PAK5: variants seen among roughly 807,000 people sequenced by gnomAD.
PAK5 encodes the protein serine/threonine-protein kinase PAK 5.
In PAK5, 16 loss-of-function variants were observed where a neutral mutation model predicts 65.9. The observed-to-expected ratio is 0.24, with a 90% CI of 0.16 to 0.37. The LOEUF (loss-of-function observed/expected upper bound fraction) is 0.37. Ranked by LOEUF, PAK5 falls within the 10% of genes least tolerant of loss-of-function variation. The pLI, the probability that PAK5 is intolerant of heterozygous loss-of-function variation, is 1.00. For missense variants in PAK5, 785 were observed against 903.9 expected (o/e 0.87, Z 1.69); for synonymous variants, 371 against 354.9 (o/e 1.05, Z -0.51).
At chr20:9,691,324 T>A (rs2047794368) in intron 2 of PAK5, among the ~76,000 whole-genome samples, 1 of 151,878 alleles carries the variant, frequency 6.6e-6, no homozygotes, top group Non-Finnish European at 1.5e-5. Flanking sequence ...CAGACGGTGG[T>A]GGGAGAGAGT....
chr20:9,664,905 AT>A (rs1305592901), intron 2 of PAK5, among the ~76,000 whole-genome samples: 1 of 151,978 alleles, frequency 6.6e-6, no homozygotes, highest in Admixed American at 6.6e-5. Context: ...TGGCAGGCAT[AT>A]TTTGGTACTA....
At chr20:9,660,698 C>G (rs994890959) in intron 2 of PAK5, among the ~76,000 whole-genome samples, 1 of 151,932 alleles carries the variant, frequency 6.6e-6, no homozygotes, top group African/African-American at 2.4e-5. Context: ...AGAAAGGATA[C>G]CGTTCATTAG....
chr20:9,728,760 T>C (rs1391738252), intron 1 of PAK5, among the ~76,000 whole-genome samples: 1 of 36,466 alleles, frequency 2.7e-5, no homozygotes, highest in Non-Finnish European at 4.6e-5. Context: ...CCTTCCTAGA[T>C]CTGTTTTTTT....
At chr20:9,816,454 A>G (rs895927280) in intron 1 of PAK5, among the ~76,000 whole-genome samples, 1 of 152,130 alleles carries the variant, frequency 6.6e-6, no homozygotes, top group Non-Finnish European at 1.5e-5. Context: ...TTGTATTTGA[A>G]TCAGCAGCCT....
intron 1 of PAK5, among the ~76,000 whole-genome samples, chr20:9,734,552 G>A (rs79540269): frequency 2.0e-5 from 3 of 149,364 alleles, no homozygotes; most frequent in Non-Finnish European, 4.5e-5. Context: ...ACGCGCACAT[G>A]CACACACACA....
intron 7 of PAK5, among the ~76,000 whole-genome samples, chr20:9,549,745 G>A (rs770977865): frequency 2.5e-4 from 38 of 152,090 alleles, no homozygotes; most frequent in Non-Finnish European, 4.6e-4. Flanking sequence ...ACCTCCATAG[G>A]TAGTGACTCT....
rs111410496 is a variant in PAK5, at chr20:9,550,731, G to GGTGTGTGTGTGTGT, written c.1744-6251_1744-6238dup. 5.3e-3 allele frequency among the ~76,000 whole-genome samples: 781 copies of GGTGTGTGTGTGTGT among 148,560 alleles called. 2 individuals carry two copies. The highest frequency in any genetic ancestry group is 0.021 in the East Asian group (105 of 5,038). ...TAGGAAGCATAGAAACCATAATTGTGGTGTGTGTGTGTGTGTGTGTGTGTG... is the reference window on the plus strand; with the variant it reads ...TAGGAAGCATAGAAACCATAATTGTGGTGTGTGTGTGTGTGTGTGTGTGTGTGTGTGTGTGTGTG... On this transcript the variant is annotated intron_variant, in intron 7 of 9. Coordinates refer to ENST00000353224, the MANE Select transcript of PAK5 (RefSeq NM_177990.4).
chr20:9,690,416 G>C (rs1366490771), intron 2 of PAK5, among the ~76,000 whole-genome samples: 2 of 152,132 alleles, frequency 1.3e-5, no homozygotes, highest in East Asian at 1.9e-4. Flanking sequence ...TCTGAGATGA[G>C]GATTTGAGTG....
chr20:9,600,044 C>T (rs933819515), intron 3 of PAK5, among the ~76,000 whole-genome samples: 3 of 152,070 alleles, frequency 2.0e-5, no homozygotes, highest in Non-Finnish European at 4.4e-5. Flanking sequence ...AGATAAGGGG[C>T]CACCTTCATT....
intron 7 of PAK5, among the ~76,000 whole-genome samples, chr20:9,546,475 A>T (rs2045346401): frequency 6.6e-6 from 1 of 152,204 alleles, no homozygotes; most frequent in Non-Finnish European, 1.5e-5. Flanking sequence ...GGGTATTGCC[A>T]TCGCTAGGGT....
intron 2 of PAK5, among the ~76,000 whole-genome samples, chr20:9,659,079 G>C (rs2047309066): frequency 1.3e-5 from 2 of 152,166 alleles, no homozygotes; most frequent in African/African-American, 4.8e-5. Context: ...ATACGTGGTA[G>C]GTGTTGTTCT....
intron 3 of PAK5, among the ~76,000 whole-genome samples, chr20:9,586,410 C>T (rs2046071020): frequency 6.6e-6 from 1 of 152,122 alleles, no homozygotes; most frequent in Non-Finnish European, 1.5e-5. Flanking sequence ...TAAACTAACA[C>T]TTCATTTTTG....
At position 9,763,273 on chromosome 20, in the gene PAK5, T is replaced by C. The variant is rs151015613; in HGVS notation, c.-161-51838A>G. 3.9e-3 allele frequency among the ~76,000 whole-genome samples: 596 copies of C among 152,144 alleles called. 6 individuals carry two copies. Among genetic ancestry groups the C allele is most frequent in the African/African-American group, 0.014 (567 of 41,526 alleles). On this transcript the variant is annotated intron_variant, in intron 1 of 9. Coordinates refer to ENST00000353224, the MANE Select transcript of PAK5 (RefSeq NM_177990.4). The stretch of plus-strand genomic sequence containing the variant: ...AGTGTTCTTATCACACATACACACA[T>C]GCACACACATGAAATTATAATAAGA...
At chr20:9,729,559 T>G (rs939927952) in intron 1 of PAK5, among the ~76,000 whole-genome samples, 3 of 152,178 alleles carry the variant, frequency 2.0e-5, no homozygotes, top group African/African-American at 7.2e-5. Context: ...CACAAGCGTT[T>G]TAGTGAGACT....
intron 9 of PAK5, among the ~76,000 whole-genome samples, chr20:9,541,606 A>G (rs1460781769): frequency 6.6e-6 from 1 of 151,952 alleles, no homozygotes; most frequent in Non-Finnish European, 1.5e-5. Flanking sequence ...TTTCTCCAAG[A>G]TCTTTGCATG....
rs763361312 is a variant in PAK5 at position 9,580,420 on chromosome 20, T to C, written c.715A>G (p.Thr239Ala). Residue 239 changes from threonine to alanine, a missense_variant, in exon 4 of 10, where the codon ACT (threonine) becomes GCT (alanine). Coordinates refer to ENST00000353224, the MANE Select transcript of PAK5 (RefSeq NM_177990.4). ...DYSFQFTPSRTAGTSGCSKES... is the reference protein window; with the variant it reads ...DYSFQFTPSRAAGTSGCSKES... Reference sequence around the variant, plus strand: ...TTGGAGCACCCGCTGGTCCCTGCAGTTCTAGAAGGTGTGAATTGGAATGAA... The same window carrying C: ...TTGGAGCACCCGCTGGTCCCTGCAGCTCTAGAAGGTGTGAATTGGAATGAA... 60 of 1,613,886 alleles carry C rather than the reference T, an allele frequency of 3.7e-5. No homozygotes were observed. The highest frequency in any genetic ancestry group is 4.8e-5 in the Non-Finnish European group (57 of 1,180,002).
intron 1 of PAK5, among the ~76,000 whole-genome samples, chr20:9,814,670 A>C (rs1343458178): frequency 6.6e-6 from 1 of 152,200 alleles, no homozygotes; most frequent in East Asian, 1.9e-4. Context: ...AAGAAAAACA[A>C]ATCAGCTAAA....
At chr20:9,548,785 A>C (rs940597681) in intron 7 of PAK5, among the ~76,000 whole-genome samples, 4 of 152,226 alleles carry the variant, frequency 2.6e-5, no homozygotes, top group African/African-American at 9.6e-5. Context: ...TCAAAATTGG[A>C]ACACAGATGA....
intron 7 of PAK5, among the ~76,000 whole-genome samples, chr20:9,552,379 C>T (rs550691422): frequency 1.1e-4 from 17 of 152,304 alleles, no homozygotes; most frequent in Non-Finnish European, 2.2e-4. Flanking sequence ...CTACACAACA[C>T]TTAATTACAA....
Sources: gnomAD v4.1 joint callset for allele counts (sites outside exome capture counted in the v4.1 genomes callset) on GRCh38, gnomAD v4.1.1 for gene constraint, MANE v1.5 for transcripts, NCBI Gene and HGNC (gene_info 2026-07-23, HGNC 2026-07-21) for gene names.